SPOCK1: variants seen among roughly 807,000 people sequenced by gnomAD.
SPOCK1 encodes SPARC (osteonectin), cwcv and kazal like domains proteoglycan 1.
A neutral mutation model predicts 55.3 loss-of-function variants in SPOCK1; 23 were observed. That is an observed-to-expected ratio of 0.42 (90% confidence interval 0.30 to 0.59). The LOEUF is 0.59. Ranked by LOEUF, SPOCK1 falls within the 20% of genes least tolerant of loss-of-function variation. SPOCK1 has a pLI of 0.22. For missense variants in SPOCK1, 499 were observed against 552.5 expected, an observed-to-expected ratio of 0.90 and a Z score of 0.97; for synonymous variants, 226 against 221.0, an observed-to-expected ratio of 1.02 and a Z score of -0.20.
At chr5:137,232,241 G>A (rs938669490) in intron 3 of SPOCK1, among the ~76,000 whole-genome samples, 1 of 152,098 alleles carries the variant, frequency 6.6e-6, no homozygotes, top group Non-Finnish European at 1.5e-5. Flanking sequence ...CAGGTTTTTG[G>A]TGTCAAGTCT....
intron 2 of SPOCK1, among the ~76,000 whole-genome samples, chr5:137,448,703 T>C (rs1319943790): frequency 6.6e-6 from 1 of 152,242 alleles, no homozygotes; most frequent in African/African-American, 2.4e-5. Context: ...CATCAATCAA[T>C]TTGAATCATT....
chr5:137,221,366 T>A (rs1434630), intron 3 of SPOCK1, among the ~76,000 whole-genome samples: 1 of 152,064 alleles, frequency 6.6e-6, no homozygotes, highest in African/African-American at 2.4e-5. Context: ...GAGACAGCAC[T>A]CCTAACCCCC....
chr5:137,396,995 G>A (rs1751865014), intron 2 of SPOCK1, among the ~76,000 whole-genome samples: 1 of 152,202 alleles, frequency 6.6e-6, no homozygotes, highest in South Asian at 2.1e-4. Context: ...TGTGTACCTT[G>A]TGGTATTACT....
chr5:137,265,513 T>G (rs1018342489), intron 3 of SPOCK1, among the ~76,000 whole-genome samples: 3 of 152,238 alleles, frequency 2.0e-5, no homozygotes, highest in Non-Finnish European at 4.4e-5. Context: ...CCAGTATTCT[T>G]CATAGATAAA....
intron 2 of SPOCK1, among the ~76,000 whole-genome samples, chr5:137,419,181 C>T (rs934379744): frequency 1.3e-5 from 2 of 152,144 alleles, no homozygotes; most frequent in Admixed American, 6.5e-5. Context: ...GGTACTAGTA[C>T]CATGCTGTTT....
At chr5:137,413,598 A>T (rs375341521) in intron 2 of SPOCK1, among the ~76,000 whole-genome samples, 1 of 152,124 alleles carries the variant, frequency 6.6e-6, no homozygotes, top group African/African-American at 2.4e-5. Context: ...ATCCCACCTG[A>T]GCATAAATCA....
At chr5:137,432,007 T>C (rs571247138) in intron 2 of SPOCK1, among the ~76,000 whole-genome samples, 1 of 152,246 alleles carries the variant, frequency 6.6e-6, no homozygotes, top group East Asian at 1.9e-4. Context: ...GAAAAGATAA[T>C]AACCATAATC....
At chr5:137,032,871 G>A (rs1285136391) in intron 6 of SPOCK1, among the ~76,000 whole-genome samples, 4 of 152,152 alleles carry the variant, frequency 2.6e-5, no homozygotes, top group African/African-American at 9.7e-5. Flanking sequence ...GATGGAACAG[G>A]CAGAGAAGGA....
At chr5:137,309,570 T>A (rs1282045756) in intron 2 of SPOCK1, among the ~76,000 whole-genome samples, 1 of 152,204 alleles carries the variant, frequency 6.6e-6, no homozygotes, top group Admixed American at 6.5e-5. Flanking sequence ...CCTATGTGTC[T>A]GATGAGTACA....
At chr5:137,392,070 A>C (rs1751737106) in intron 2 of SPOCK1, among the ~76,000 whole-genome samples, 3 of 152,020 alleles carry the variant, frequency 2.0e-5, no homozygotes, top group Admixed American at 6.6e-5. Context: ...ACCATACCCT[A>C]TTCCTCCAAC....
At position 137,174,422 on chromosome 5, in the gene SPOCK1, C is replaced by T. The variant is rs547911143; in HGVS notation, c.233-33728G>A. The stretch of plus-strand genomic sequence containing the variant: ...ACTAGATCTCCCTGCAGGCTTCTTT[C>T]CCTGAGGCTACAATTCCTAATTATT... On this transcript the variant is annotated intron_variant, in intron 3 of 10. Coordinates refer to ENST00000394945, the MANE Select transcript of SPOCK1 (RefSeq NM_004598.4). Among the ~76,000 whole-genome samples the T allele has an allele frequency of 2.0e-5, 3 of 152,334 alleles. No homozygotes were observed. In the South Asian group the frequency reaches 6.2e-4, roughly 32 times the overall value.
At chr5:137,071,243 C>T (rs1404790973) in intron 5 of SPOCK1, among the ~76,000 whole-genome samples, 1 of 152,112 alleles carries the variant, frequency 6.6e-6, no homozygotes, top group Non-Finnish European at 1.5e-5. Context: ...ATCCTCCCAC[C>T]CCAGCCTCCC....
chr5:137,406,727 T>C (rs1338365287), intron 2 of SPOCK1, among the ~76,000 whole-genome samples: 1 of 152,168 alleles, frequency 6.6e-6, no homozygotes, highest in African/African-American at 2.4e-5. Context: ...GAACACACAC[T>C]CTGGCTTTAA....
At chr5:137,092,092 C>A (rs1396028027) in intron 5 of SPOCK1, among the ~76,000 whole-genome samples, 1 of 152,124 alleles carries the variant, frequency 6.6e-6, no homozygotes. Flanking sequence ...CTTCCAATAC[C>A]CAAGTGTCCA....
intron 3 of SPOCK1, among the ~76,000 whole-genome samples, chr5:137,155,591 A>G (rs550928487): frequency 1.3e-5 from 2 of 152,348 alleles, no homozygotes; most frequent in South Asian, 4.1e-4. Flanking sequence ...CTCCTTCCCC[A>G]TGCAAATGTG....
intron 6 of SPOCK1, among the ~76,000 whole-genome samples, chr5:137,065,528 T>C (rs1752489586): frequency 6.6e-6 from 1 of 152,200 alleles, no homozygotes; most frequent in Non-Finnish European, 1.5e-5. Context: ...ATTTCTTAGA[T>C]AATTTCCAAA....
chr5:137,027,112 G>A (rs916835133), intron 6 of SPOCK1, among the ~76,000 whole-genome samples: 5 of 152,142 alleles, frequency 3.3e-5, no homozygotes, highest in African/African-American at 1.2e-4. Flanking sequence ...ATACCTAGAG[G>A]ACAAACATCA....
chr5:136,995,465 T>C (rs1000186862), intron 6 of SPOCK1, among the ~76,000 whole-genome samples: 19 of 152,164 alleles, frequency 1.2e-4, no homozygotes, highest in African/African-American at 4.3e-4. Context: ...GGTTTTCACT[T>C]TTCTGACACT....
At chr5:136,994,024 G>A (rs189705301) in intron 6 of SPOCK1, among the ~76,000 whole-genome samples, 1 of 152,026 alleles carries the variant, frequency 6.6e-6, no homozygotes, top group South Asian at 2.1e-4. Flanking sequence ...ATGGAGAACC[G>A]AGCTTCCCAG....
Sources: gnomAD v4.1 joint callset for allele counts (sites outside exome capture counted in the v4.1 genomes callset) on GRCh38, gnomAD v4.1.1 for gene constraint, MANE v1.5 for transcripts, NCBI Gene and HGNC (gene_info 2026-07-23, HGNC 2026-07-21) for gene names.